FRAS1: variants seen among roughly 807,000 people sequenced by gnomAD.
FRAS1 encodes Fraser extracellular matrix complex subunit 1, also known as extracellular matrix organizing protein FRAS1.
A neutral mutation model predicts 435.2 loss-of-function variants in FRAS1; 290 were observed. The ratio of observed to expected loss-of-function variants is 0.67; its 90% confidence interval spans 0.61 to 0.73. The LOEUF (loss-of-function observed/expected upper bound fraction) is 0.73, where lower values mean the gene tolerates loss of function less well. Among genes scored for constraint, FRAS1 ranks in the 30% least tolerant of loss-of-function variants. The pLI is 0.00. For synonymous variants in FRAS1, 1,800 were observed against 1,851.0 expected (o/e 0.97, Z 0.71); for missense variants, 4,860 against 5,001.5 (o/e 0.97, Z 0.85).
chr4:78,476,657 T>G (rs1245270955), intron 54 of FRAS1, among the ~76,000 whole-genome samples: 1 of 152,174 alleles, frequency 6.6e-6, no homozygotes, highest in Non-Finnish European at 1.5e-5. Flanking sequence ...AGACGGAGGA[T>G]ATTCTTGTGT....
At chr4:78,479,070 T>A (rs921045297) in intron 55 of FRAS1, among the ~76,000 whole-genome samples, 3 of 152,274 alleles carry the variant, frequency 2.0e-5, no homozygotes, top group African/African-American at 7.2e-5. Context: ...ATGTGTCATA[T>A]CTTTCCACCT....
At chr4:78,425,971 T>TTGAGA (rs1431084589) in intron 35 of FRAS1, among the ~76,000 whole-genome samples, 1 of 152,126 alleles carries the variant, frequency 6.6e-6, no homozygotes, top group African/African-American at 2.4e-5. Flanking sequence ...TTCCTTGTAG[T>TTGAGA]CTCAACTACT....
intron 2 of FRAS1, among the ~76,000 whole-genome samples, chr4:78,072,754 T>C (rs1489260118): frequency 6.6e-6 from 1 of 152,066 alleles, no homozygotes. Context: ...TGCTTTTAAA[T>C]GGGGGATGCC....
intron 2 of FRAS1, among the ~76,000 whole-genome samples, chr4:78,113,336 T>C (rs1742877690): frequency 6.6e-6 from 1 of 152,256 alleles, no homozygotes; most frequent in Non-Finnish European, 1.5e-5. Flanking sequence ...CCTTTGGGTA[T>C]GTAACCAGTA....
chr4:78,171,082 C>T (rs1721532408), intron 2 of FRAS1, among the ~76,000 whole-genome samples: 1 of 152,100 alleles, frequency 6.6e-6, no homozygotes, highest in Admixed American at 6.5e-5. Context: ...GCCTTCCTTA[C>T]CTATGAGGTA....
chr4:78,086,662 A>C (rs1393273867), intron 2 of FRAS1, among the ~76,000 whole-genome samples: 2 of 152,118 alleles, frequency 1.3e-5, no homozygotes, highest in Admixed American at 6.5e-5. Context: ...ACACAAATAA[A>C]CTAGAAAATC....
chr4:78,140,710 CGT>C (rs1287804722), intron 2 of FRAS1, among the ~76,000 whole-genome samples: 2 of 82,978 alleles, frequency 2.4e-5, no homozygotes, highest in East Asian at 2.4e-4. Flanking sequence ...TATGCATATA[CGT>C]GTGTGTATAT....
chr4:78,364,323 G>A (rs1410048244), intron 22 of FRAS1, among the ~76,000 whole-genome samples: 1 of 152,124 alleles, frequency 6.6e-6, no homozygotes, highest in Non-Finnish European at 1.5e-5. Context: ...TAACTTCTCT[G>A]TCCAGGTTAT....
At chr4:78,120,725 C>A (rs1718965123) in intron 2 of FRAS1, among the ~76,000 whole-genome samples, 1 of 152,142 alleles carries the variant, frequency 6.6e-6, no homozygotes, top group South Asian at 2.1e-4. Flanking sequence ...AGGGGTCTAT[C>A]CCATAATGAT....
intron 53 of FRAS1, among the ~76,000 whole-genome samples, chr4:78,474,123 C>T (rs539121509): frequency 1.1e-4 from 17 of 152,294 alleles, no homozygotes; most frequent in Non-Finnish European, 1.8e-4. Context: ...TTGTTCCCAA[C>T]CCTGTTTTCT....
At chr4:78,201,899 A>G (rs570633891) in intron 2 of FRAS1, among the ~76,000 whole-genome samples, 1 of 152,248 alleles carries the variant, frequency 6.6e-6, no homozygotes, top group Non-Finnish European at 1.5e-5. Context: ...GTTAGGGGGC[A>G]TGACCACATA....
chr4:78,315,868 C>A (rs1244889441), intron 16 of FRAS1, 134 bp downstream of exon 16: 4 of 964,312 alleles, frequency 4.1e-6, no homozygotes, highest in Non-Finnish European at 6.4e-6. Context: ...TAGCTTTTTT[C>A]ATTATGAAGC....
intron 72 of FRAS1, among the ~76,000 whole-genome samples, chr4:78,538,681 G>A (rs1365843007): frequency 9.2e-5 from 14 of 152,144 alleles, no homozygotes; most frequent in East Asian, 1.9e-4. Flanking sequence ...AGGTCCGGGC[G>A]CGGTGGCTCA....
At chr4:78,150,374 T>G (rs1030185305) in intron 2 of FRAS1, among the ~76,000 whole-genome samples, 1 of 152,212 alleles carries the variant, frequency 6.6e-6, no homozygotes, top group Non-Finnish European at 1.5e-5. Context: ...TTGGTCCGCT[T>G]TTGGTCTTTA....
intron 2 of FRAS1, among the ~76,000 whole-genome samples, chr4:78,198,457 C>G (rs1357564375): frequency 6.6e-6 from 1 of 152,144 alleles, no homozygotes; most frequent in Non-Finnish European, 1.5e-5. Flanking sequence ...AGTCCTTGAC[C>G]TTGTCTCAGG....
chr4:78,076,924 A>T (rs1007377914), intron 2 of FRAS1, among the ~76,000 whole-genome samples: 1 of 152,226 alleles, frequency 6.6e-6, no homozygotes, highest in Non-Finnish European at 1.5e-5. Flanking sequence ...CAATAACACC[A>T]GTCAGGAGAT....
chr4:78,095,712 G>T (rs1741768984), intron 2 of FRAS1, among the ~76,000 whole-genome samples: 1 of 152,180 alleles, frequency 6.6e-6, no homozygotes, highest in Non-Finnish European at 1.5e-5. Context: ...AAAACCCTCA[G>T]ATCTTTTGAG....
chr4:78,306,279 T>A (rs1728710027), intron 14 of FRAS1, among the ~76,000 whole-genome samples: 1 of 151,212 alleles, frequency 6.6e-6, no homozygotes, highest in African/African-American at 2.4e-5. Flanking sequence ...GACCTTTCTC[T>A]CTGGCTGCCC....
At chr4:78,316,532 A>G (rs1729263094) in intron 16 of FRAS1, among the ~76,000 whole-genome samples, 1 of 150,362 alleles carries the variant, frequency 6.7e-6, no homozygotes, top group Admixed American at 6.6e-5. Context: ...ATCTCTACCC[A>G]CCACCCCCAA....
Sources: gnomAD v4.1 joint callset for allele counts (sites outside exome capture counted in the v4.1 genomes callset) on GRCh38, gnomAD v4.1.1 for gene constraint, MANE v1.5 for transcripts, NCBI Gene and HGNC (gene_info 2026-07-23, HGNC 2026-07-21) for gene names.